FHIP1A: variants seen among roughly 807,000 people sequenced by gnomAD.
The protein encoded by FHIP1A is FHF complex subunit HOOK interacting protein 1A.
Under a neutral mutation model 88.6 loss-of-function variants are expected in FHIP1A, and 61 were observed. The ratio of observed to expected loss-of-function variants is 0.69; its 90% CI spans 0.56 to 0.85. The LOEUF is 0.85. FHIP1A is among the 40% of genes least tolerant of loss of function. The pLI is 0.00. For missense variants in FHIP1A, 1,154 were observed against 1,273.5 expected (o/e 0.91, Z 1.43); for synonymous variants, 478 against 496.0 (o/e 0.96, Z 0.48).
chr4:151,415,116 A>C (rs181584125), intron 1 of FHIP1A, among the ~76,000 whole-genome samples: 3 of 151,742 alleles, frequency 2.0e-5, no homozygotes, highest in Admixed American at 1.3e-4. Context: ...CCATACATGC[A>C]CATCATTCTC....
chr4:151,606,696 A>G (rs1735087049), intron 7 of FHIP1A, among the ~76,000 whole-genome samples: 1 of 152,194 alleles, frequency 6.6e-6, no homozygotes, highest in Non-Finnish European at 1.5e-5. Context: ...AGGCTCCTGA[A>G]CATTGTCTTG....
intron 4 of FHIP1A, among the ~76,000 whole-genome samples, chr4:151,567,346 A>G (rs1733426938): frequency 6.6e-6 from 1 of 152,042 alleles, no homozygotes; most frequent in South Asian, 2.1e-4. Flanking sequence ...AATCACAGCA[A>G]TTATAGGGGA....
intron 9 of FHIP1A, among the ~76,000 whole-genome samples, chr4:151,639,907 G>A (rs116052419): frequency 2.0e-5 from 3 of 152,164 alleles, no homozygotes; most frequent in Admixed American, 6.5e-5. Flanking sequence ...GAGAGTGGGG[G>A]AAGAGGGAGG....
At chr4:151,558,985 C>T (rs1472066627) in intron 3 of FHIP1A, among the ~76,000 whole-genome samples, 3 of 152,122 alleles carry the variant, frequency 2.0e-5, no homozygotes, top group Non-Finnish European at 2.9e-5. Flanking sequence ...TTTACATTTT[C>T]CTGATATGTT....
intron 3 of FHIP1A, among the ~76,000 whole-genome samples, chr4:151,492,719 T>C (rs147125722): frequency 8.6e-4 from 131 of 152,154 alleles, no homozygotes; most frequent in African/African-American, 3.0e-3. Context: ...AATGAAATAA[T>C]CTGCTGCTGA....
chr4:151,573,101 C>G (rs1302821127), intron 4 of FHIP1A, among the ~76,000 whole-genome samples: 2 of 152,142 alleles, frequency 1.3e-5, no homozygotes, highest in African/African-American at 4.8e-5. Flanking sequence ...CCCAGTAATT[C>G]TCACATTTTT....
At chr4:151,435,560 G>T (rs1277042517) in intron 1 of FHIP1A, among the ~76,000 whole-genome samples, 1 of 152,118 alleles carries the variant, frequency 6.6e-6, no homozygotes, top group Non-Finnish European at 1.5e-5. Context: ...TGAGGCGGCT[G>T]GATCACCTGA....
intron 1 of FHIP1A, among the ~76,000 whole-genome samples, chr4:151,415,092 A>G (rs1206760814): frequency 6.6e-6 from 1 of 152,078 alleles, no homozygotes; most frequent in African/African-American, 2.4e-5. Context: ...TATACCTTGA[A>G]AATGTTTTTA....
intron 8 of FHIP1A, among the ~76,000 whole-genome samples, chr4:151,637,528 A>G (rs1156268547): frequency 6.6e-6 from 1 of 152,176 alleles, no homozygotes; most frequent in Admixed American, 6.6e-5. Flanking sequence ...ATGCAATCTG[A>G]TAAATTAACA....
At chr4:151,505,082 G>T (rs1010165178) in intron 3 of FHIP1A, among the ~76,000 whole-genome samples, 1 of 152,074 alleles carries the variant, frequency 6.6e-6, no homozygotes, top group Non-Finnish European at 1.5e-5. Flanking sequence ...TGTGACACAG[G>T]AAGTAAGCTC....
intron 7 of FHIP1A, among the ~76,000 whole-genome samples, chr4:151,627,001 A>T (rs949826938): frequency 4.6e-5 from 7 of 152,238 alleles, no homozygotes; most frequent in African/African-American, 1.7e-4. Context: ...TGAAAGTAAG[A>T]TAATGGGACA....
intron 7 of FHIP1A, among the ~76,000 whole-genome samples, chr4:151,606,916 G>A (rs1453978618): frequency 6.6e-6 from 1 of 152,214 alleles, no homozygotes; most frequent in Non-Finnish European, 1.5e-5. Flanking sequence ...ACAATGTCCT[G>A]CAGAAATGAG....
chr4:151,597,351 A>G (rs915817538), intron 7 of FHIP1A, among the ~76,000 whole-genome samples: 3 of 152,096 alleles, frequency 2.0e-5, no homozygotes, highest in African/African-American at 7.2e-5. Context: ...AGTTATCACT[A>G]GTGGAGGCTG....
intron 2 of FHIP1A, among the ~76,000 whole-genome samples, chr4:151,478,716 G>T (rs1729796591): frequency 6.6e-6 from 1 of 152,072 alleles, no homozygotes; most frequent in African/African-American, 2.4e-5. Context: ...TATTCAAGAA[G>T]AACATTTAGA....
intron 1 of FHIP1A, among the ~76,000 whole-genome samples, chr4:151,437,411 T>C (rs970344277): frequency 6.6e-6 from 1 of 152,094 alleles, no homozygotes; most frequent in Non-Finnish European, 1.5e-5. Context: ...TATCTAAATA[T>C]ATTGCTTTGT....
chr4:151,650,291 G>T lies in FHIP1A; in HGVS notation c.2250G>T (p.Glu750Asp), dbSNP rs1406792200. 4.5e-6 allele frequency: 7 copies of T among 1,551,708 alleles called. No homozygotes were observed. In the African/African-American group the frequency reaches 6.8e-5, roughly 15 times the overall value. The stretch of plus-strand genomic sequence containing the variant: ...CAGCCGCCCACCCGGAGAGCGAGGA[G>T]CTCATTGCCCAGTATGACCAAATCA... ...NLTAAHPESEELIAQYDQIIK... is the reference protein window; with the variant it reads ...NLTAAHPESEDLIAQYDQIIK... Residue 750 changes from glutamate (E) to aspartate (D), a missense_variant, in exon 11 of 14, where the codon GAG becomes GAT. By Grantham distance (45) the Glu-to-Asp change is conservative. Transcript: ENST00000435205.
intron 13 of FHIP1A, among the ~76,000 whole-genome samples, chr4:151,662,070 C>T (rs965854599): frequency 6.6e-6 from 1 of 152,202 alleles, no homozygotes; most frequent in Admixed American, 6.5e-5. Flanking sequence ...GCTGTGCTGT[C>T]AGGGCTTAAC....
At chr4:151,486,265 T>G (rs777484277) in intron 3 of FHIP1A, among the ~76,000 whole-genome samples, 3 of 152,178 alleles carry the variant, frequency 2.0e-5, no homozygotes, top group Non-Finnish European at 2.9e-5. Context: ...CTCTAGGTGA[T>G]TCTGATATGT....
At chr4:151,590,228 T>C (rs1261846674) in intron 7 of FHIP1A, among the ~76,000 whole-genome samples, 1 of 152,236 alleles carries the variant, frequency 6.6e-6, no homozygotes, top group Non-Finnish European at 1.5e-5. Context: ...ATATATGCTC[T>C]CACACATTTA....
Sources: allele counts gnomAD v4.1 joint callset (sites outside exome capture counted in the v4.1 genomes callset), GRCh38; gene constraint gnomAD v4.1.1; transcripts MANE v1.5; gene names NCBI Gene and HGNC (gene_info 2026-07-23, HGNC 2026-07-21).